The following NKAIN3 variants were observed in gnomAD, a reference collection of about 807,000 sequenced individuals.
NKAIN3 encodes the protein sodium/potassium transporting ATPase interacting 3, also known as sodium/potassium-transporting ATPase subunit beta-1-interacting protein 3.
Under a neutral mutation model 30.2 loss-of-function variants are expected in NKAIN3, and 25 were observed. The observed-to-expected ratio is 0.83, with a 90% CI of 0.60 to 1.16. The LOEUF (loss-of-function observed/expected upper bound fraction) is 1.16. NKAIN3 is among the 50% of genes most tolerant of loss of function. The pLI, the probability that NKAIN3 is intolerant of heterozygous loss-of-function variation, is 0.00. For synonymous variants in NKAIN3, 91 were observed against 89.6 expected (o/e 1.02, Z -0.09); for missense variants, 225 against 254.1 (o/e 0.89, Z 0.78).
chr8:62,883,313 G>A (rs1821044338), intron 4 of NKAIN3, among the ~76,000 whole-genome samples: 1 of 151,878 alleles, frequency 6.6e-6, no homozygotes, highest in East Asian at 1.9e-4. Context: ...CATTTTATGG[G>A]GTTCTAATGT....
intron 3 of NKAIN3, among the ~76,000 whole-genome samples, chr8:62,723,914 A>G (rs1815174991): frequency 6.6e-6 from 1 of 152,162 alleles, no homozygotes; most frequent in Non-Finnish European, 1.5e-5. Flanking sequence ...AATGCTTTCT[A>G]GCAAACTACA....
At chr8:62,357,217 G>A (rs1816390678) in intron 1 of NKAIN3, among the ~76,000 whole-genome samples, 1 of 152,092 alleles carries the variant, frequency 6.6e-6, no homozygotes, top group South Asian at 2.1e-4. Flanking sequence ...GAACAGCCTG[G>A]GCAACATATT....
At chr8:62,576,205 A>G (rs1810103870) in intron 1 of NKAIN3, among the ~76,000 whole-genome samples, 2 of 152,136 alleles carry the variant, frequency 1.3e-5, no homozygotes, top group Admixed American at 1.3e-4. Flanking sequence ...AAAAAATTGC[A>G]AACTACCCAT....
At chr8:62,251,871 G>A (rs1304928289) in intron 1 of NKAIN3, among the ~76,000 whole-genome samples, 1 of 152,068 alleles carries the variant, frequency 6.6e-6, no homozygotes, top group Non-Finnish European at 1.5e-5. Context: ...AACCTCAAAA[G>A]CATTGGTAAA....
At chr8:62,305,847 T>C (rs1335320818) in intron 1 of NKAIN3, among the ~76,000 whole-genome samples, 1 of 150,180 alleles carries the variant, frequency 6.7e-6, no homozygotes. Flanking sequence ...AAATAGCAAA[T>C]GAGGAGTTTG....
At chr8:62,290,753 T>C (rs1169896657) in intron 1 of NKAIN3, among the ~76,000 whole-genome samples, 1 of 152,202 alleles carries the variant, frequency 6.6e-6, no homozygotes, top group Non-Finnish European at 1.5e-5. Flanking sequence ...ATTGGCCTCG[T>C]AAAATGAATT....
At chr8:62,878,040 C>CAAAAA (rs34421488) in intron 4 of NKAIN3, among the ~76,000 whole-genome samples, 1 of 113,732 alleles carries the variant, frequency 8.8e-6, no homozygotes, top group African/African-American at 3.4e-5. Flanking sequence ...AACTCCATCT[C>CAAAAA]AAAAAAAAAA....
chr8:62,628,948 T>A (rs936895525), intron 3 of NKAIN3, among the ~76,000 whole-genome samples: 3 of 152,202 alleles, frequency 2.0e-5, no homozygotes, highest in Admixed American at 6.6e-5. Flanking sequence ...GATACATATT[T>A]GTTGAATGAA....
At chr8:62,462,313 A>G (rs1000897383) in intron 1 of NKAIN3, among the ~76,000 whole-genome samples, 4 of 152,176 alleles carry the variant, frequency 2.6e-5, no homozygotes. Flanking sequence ...AAAGATCACT[A>G]GCAATTTTTT....
At chr8:62,782,691 T>C (rs1312406742) in intron 4 of NKAIN3, among the ~76,000 whole-genome samples, 1 of 151,148 alleles carries the variant, frequency 6.6e-6, no homozygotes, top group South Asian at 2.1e-4. Flanking sequence ...AAATACTACA[T>C]GTTCTTACTC....
In NKAIN3 at chr8:62,271,085, C is replaced by T. The variant is rs186919556; in HGVS notation, c.54+21958C>T. Among the ~76,000 whole-genome samples the T allele has an allele frequency of 1.9e-3, 284 of 152,264 alleles. 1 individual carries two copies. Among genetic ancestry groups the T allele is most frequent in the African/African-American group, 6.5e-3 (269 of 41,554 alleles). Reference sequence around the variant, plus strand: ...AAAAAACATCCAAAATACATTTTAACGTCTTTACAGGCTGCTTTAGTTTTA... The same window carrying T: ...AAAAAACATCCAAAATACATTTTAATGTCTTTACAGGCTGCTTTAGTTTTA... On this transcript the variant is annotated intron_variant, in intron 1 of 6. Coordinates refer to ENST00000623646, the MANE Select transcript of NKAIN3 (RefSeq NM_001304533.3).
chr8:62,912,133 T>G (rs1200188533), intron 4 of NKAIN3, among the ~76,000 whole-genome samples: 1 of 152,178 alleles, frequency 6.6e-6, no homozygotes, highest in African/African-American at 2.4e-5. Flanking sequence ...CTGAATACTA[T>G]AGGCAATTGT....
intron 1 of NKAIN3, among the ~76,000 whole-genome samples, chr8:62,565,612 G>C (rs920459855): frequency 6.6e-6 from 1 of 152,058 alleles, no homozygotes; most frequent in Non-Finnish European, 1.5e-5. Flanking sequence ...ACATAATGTT[G>C]CTTCTACAAC....
chr8:62,316,352 C>G (rs888212119), intron 1 of NKAIN3, among the ~76,000 whole-genome samples: 6 of 151,964 alleles, frequency 3.9e-5, no homozygotes, highest in African/African-American at 1.5e-4. Context: ...CATATATATA[C>G]TTGTGCCATG....
chr8:62,409,119 T>C (rs2034605), intron 1 of NKAIN3, among the ~76,000 whole-genome samples: 107,430 of 152,086 alleles, frequency 0.71, 38,249 homozygotes, highest in Non-Finnish European at 0.74. Context: ...CAAGTTAGTG[T>C]TCTGTGCTAT....
chr8:62,369,463 T>C (rs922259602), intron 1 of NKAIN3, among the ~76,000 whole-genome samples: 2 of 152,214 alleles, frequency 1.3e-5, no homozygotes, highest in African/African-American at 2.4e-5. Flanking sequence ...CCTTTTCCCT[T>C]GCATGTTTCT....
At chr8:62,647,479 A>T (rs1001362765) in intron 3 of NKAIN3, among the ~76,000 whole-genome samples, 2 of 152,186 alleles carry the variant, frequency 1.3e-5, no homozygotes, top group Non-Finnish European at 2.9e-5. Context: ...GTGCTGTGAG[A>T]ACAAATCTAC....
intron 3 of NKAIN3, among the ~76,000 whole-genome samples, chr8:62,674,307 T>C (rs562673318): frequency 6.6e-6 from 1 of 152,176 alleles, no homozygotes; most frequent in Non-Finnish European, 1.5e-5. Flanking sequence ...GGTGAACTTA[T>C]GCAAAAAACA....
chr8:62,790,581 C>CTGTGTG (rs35454019), intron 4 of NKAIN3, among the ~76,000 whole-genome samples: 13 of 147,396 alleles, frequency 8.8e-5, no homozygotes, highest in South Asian at 2.1e-4. Context: ...GTCTGTCTGT[C>CTGTGTG]TGTGTGTGTG....
Sources: allele counts gnomAD v4.1 joint callset (sites outside exome capture counted in the v4.1 genomes callset), GRCh38; gene constraint gnomAD v4.1.1; transcripts MANE v1.5; gene names NCBI Gene and HGNC (gene_info 2026-07-23, HGNC 2026-07-21).